EPM2A: variants seen among roughly 807,000 people sequenced by gnomAD.
EPM2A encodes the protein EPM2A glucan phosphatase, laforin, also known as laforin.
A neutral mutation model predicts 26.5 loss-of-function variants in EPM2A; 21 were observed. The ratio of observed to expected loss-of-function variants is 0.79; its 90% confidence interval spans 0.56 to 1.14. EPM2A has a LOEUF of 1.14. EPM2A is among the 50% of genes most tolerant of loss of function. EPM2A has a pLI of 0.00. For missense variants in EPM2A, 458 were observed against 440.8 expected (o/e 1.04, Z -0.35); for synonymous variants, 217 against 177.6 (o/e 1.22, Z -1.76).
At chr6:145,438,908 A>G (rs9484992) in intron 4 of EPM2A, among the ~76,000 whole-genome samples, 894 of 84,604 alleles carry the variant, frequency 0.011, 6 homozygotes, top group African/African-American at 0.035. Flanking sequence ...TCAGCATAGT[A>G]CCCAATAGTT....
At chr6:145,628,024 G>T in intron 3 of EPM2A, 2 of 294,770 alleles carry the variant, frequency 6.8e-6, no homozygotes, top group Non-Finnish European at 1.3e-5. Context: ...TTCACATGAA[G>T]TTTTTGCAGA....
At chr6:145,410,574 T>C (rs997727006) in intron 4 of EPM2A, among the ~76,000 whole-genome samples, 2 of 152,172 alleles carry the variant, frequency 1.3e-5, no homozygotes, top group Non-Finnish European at 2.9e-5. Flanking sequence ...AAGAAATAGG[T>C]ATGTATGTTG....
At position 145,658,632 on chromosome 6, in the gene EPM2A, T is replaced by C. The variant is rs1313498505; in HGVS notation, c.477-23146A>G. On this transcript the variant is annotated intron_variant, in intron 2 of 3. Transcript: ENST00000367519. Reference sequence around the variant, plus strand: ...CAAATTAATAAGCAAGACAAAAATATCTACTCTGGAATGACAAATGCCTTT... The same window carrying C: ...CAAATTAATAAGCAAGACAAAAATACCTACTCTGGAATGACAAATGCCTTT... 2.6e-5 allele frequency among the ~76,000 whole-genome samples: 4 copies of C among 151,806 alleles called. No homozygotes were observed. The East Asian group carries it at 7.7e-4, about 29-fold the overall frequency.
chr6:145,735,373 C>T lies in EPM2A; in HGVS notation c.126G>A (p.Pro42=). 1 of 1,019,274 alleles carries T rather than the reference C, an allele frequency of 9.8e-7. No individual in the cohort carries two copies. Among genetic ancestry groups the T allele is most frequent in the Non-Finnish European group, 1.2e-6 (1 of 837,452 alleles). The allele number at this position is 1,019,274 out of a possible 1,614,324, so 63.1% of individuals were successfully genotyped here. A position where few individuals can be genotyped will look rare whatever the true frequency, so the allele number is the denominator to read the frequency against. The change falls in exon 1 of 4, where the codon CCG becomes CCA. Residue 42 remains proline (P), a synonymous_variant. Transcript: ENST00000367519. ...CCCCGTCGCCCGCCGCGGTGCCGGC[C>T]GGCCTCAGGCGGACGGCACCGCGCG... is the stretch of plus-strand genomic sequence containing the variant. ...WEPRGAVRLR[P]AGTAAGDGAL...
At chr6:145,651,838 T>C (rs1286444019) in intron 2 of EPM2A, among the ~76,000 whole-genome samples, 3 of 152,174 alleles carry the variant, frequency 2.0e-5, no homozygotes, top group African/African-American at 7.2e-5. Context: ...GGGATTCTGT[T>C]ATTTTATTAA....
intron 2 of EPM2A, among the ~76,000 whole-genome samples, chr6:145,535,121 A>G (rs1780413496): frequency 6.6e-6 from 1 of 152,226 alleles, no homozygotes; most frequent in South Asian, 2.1e-4. Flanking sequence ...TCTTTCTTCC[A>G]TTGCCCCATT....
rs528278204 is a variant in EPM2A, at chr6:145,536,486, G to A, written c.341-33911C>T. Among the ~76,000 whole-genome samples, 345 of 152,074 alleles carry A rather than the reference G, an allele frequency of 2.3e-3. 1 individual carries two copies. Among genetic ancestry groups the A allele is most frequent in the Middle Eastern group, 6.8e-3 (2 of 294 alleles). On this transcript the variant is annotated intron_variant, in intron 2 of 3. Coordinates refer to the EPM2A transcript ENST00000450221. ...AATTTTTGTATTTTTTAGTAGAGACGGGGTCTCACCATGCTGGTCAGGTTG... is the reference window on the plus strand; with the variant it reads ...AATTTTTGTATTTTTTAGTAGAGACAGGGTCTCACCATGCTGGTCAGGTTG...
intron 4 of EPM2A, among the ~76,000 whole-genome samples, chr6:145,395,684 G>T (rs148104075): frequency 1.3e-5 from 2 of 151,916 alleles, no homozygotes; most frequent in African/African-American, 2.4e-5. Flanking sequence ...CCTTAACCCC[G>T]GCACCTTCTT....
Position 145,735,287 on chromosome 6 carries a change from GCCTCCTCGGCCGCCAGCTCCA to G in EPM2A, c.191_211del (p.Val64_Glu70del). 1 of 1,474,746 alleles carries G rather than the reference GCCTCCTCGGCCGCCAGCTCCA, an allele frequency of 6.8e-7. No individual in the cohort carries two copies. Among genetic ancestry groups the G allele is most frequent in the Middle Eastern group, 1.9e-4 (1 of 5,238 alleles). The allele number at this position is 1,474,746 out of a possible 1,614,324, so 91.4% of individuals were successfully genotyped here. On this transcript the variant is annotated inframe_deletion, in exon 1 of 4. Coordinates refer to ENST00000367519, the MANE Select transcript of EPM2A (RefSeq NM_005670.4). ...GCCCGGCTCCGCCCCGTCCTGCGCC[GCCTCCTCGGCCGCCAGCTCCA>G]CCTCCCCGAGCCACAGGCCCGGCTC...
chr6:145,680,501 A>C (rs1780435237), intron 2 of EPM2A, among the ~76,000 whole-genome samples: 1 of 151,974 alleles, frequency 6.6e-6, no homozygotes, highest in Non-Finnish European at 1.5e-5. Flanking sequence ...TTAACTCGTC[A>C]TTTAGCATTA....
At chr6:145,715,179 T>C (rs571990133) in intron 1 of EPM2A, among the ~76,000 whole-genome samples, 1 of 152,094 alleles carries the variant, frequency 6.6e-6, no homozygotes, top group Admixed American at 6.5e-5. Flanking sequence ...CTTCATTCAT[T>C]TACCAACCCA....
chr6:145,574,623 G>T (rs977016441), intron 2 of EPM2A, among the ~76,000 whole-genome samples: 2 of 152,110 alleles, frequency 1.3e-5, no homozygotes, highest in Non-Finnish European at 2.9e-5. Context: ...GTCTAAAGTG[G>T]CTAATACACT....
chr6:145,549,849 T>C (rs1207216241), intron 2 of EPM2A, among the ~76,000 whole-genome samples: 3 of 152,122 alleles, frequency 2.0e-5, no homozygotes, highest in Non-Finnish European at 2.9e-5. Flanking sequence ...ATGAAAGCCA[T>C]GTGGCTCTGC....
intron 4 of EPM2A, among the ~76,000 whole-genome samples, chr6:145,474,839 C>A: frequency 6.6e-6 from 1 of 152,132 alleles, no homozygotes; most frequent in East Asian, 1.9e-4. Flanking sequence ...CAAAAGAAGA[C>A]ATTTATGCAG....
chr6:145,422,043 G>C (rs1167074387), intron 4 of EPM2A, among the ~76,000 whole-genome samples: 1 of 131,802 alleles, frequency 7.6e-6, no homozygotes, highest in Non-Finnish European at 1.6e-5. Flanking sequence ...AGGTTAAATA[G>C]AATATATATG....
chr6:145,407,625 G>C (rs1044497035), intron 4 of EPM2A, among the ~76,000 whole-genome samples: 7 of 152,130 alleles, frequency 4.6e-5, no homozygotes, highest in African/African-American at 1.7e-4. Flanking sequence ...ATGCCATTTA[G>C]CAGCTTTTTC....
chr6:145,456,903 T>C (rs1453052204), intron 4 of EPM2A, among the ~76,000 whole-genome samples: 3 of 152,202 alleles, frequency 2.0e-5, no homozygotes, highest in Admixed American at 6.5e-5. Flanking sequence ...GATATTTCTA[T>C]CTTGAGCCAC....
intron 4 of EPM2A, among the ~76,000 whole-genome samples, chr6:145,405,297 A>ACAT (rs1218130573): frequency 6.6e-6 from 1 of 152,232 alleles, no homozygotes; most frequent in Admixed American, 6.6e-5. Context: ...TGTGAATTCT[A>ACAT]CGGCCTATGT....
chr6:145,465,299 G>A (rs1288507455), intron 4 of EPM2A, among the ~76,000 whole-genome samples: 4 of 150,386 alleles, frequency 2.7e-5, no homozygotes, highest in Non-Finnish European at 5.9e-5. Flanking sequence ...CGTAGTTCTC[G>A]AGCCTTGGTT....
Sources: allele counts gnomAD v4.1 joint callset (sites outside exome capture counted in the v4.1 genomes callset), GRCh38; gene constraint gnomAD v4.1.1; transcripts MANE v1.5; gene names NCBI Gene and HGNC (gene_info 2026-07-23, HGNC 2026-07-21).